Variants in ANKIB1 observed in about 807,000 individuals in gnomAD.
ANKIB1 encodes the protein ankyrin repeat and IBR domain containing 1.
Under a neutral mutation model 122.1 loss-of-function variants are expected in ANKIB1, and 43 were observed. The ratio of observed to expected loss-of-function variants is 0.35; its 90% CI spans 0.28 to 0.45. The LOEUF is 0.45. Ranked by LOEUF, ANKIB1 falls within the 20% of genes least tolerant of loss-of-function variation. The probability of loss-of-function intolerance (pLI) is 1.00; values close to 1 mark genes in which losing one functional copy is unlikely to be tolerated. For missense variants in ANKIB1, 992 were observed against 1,329.5 expected (o/e 0.75, Z 3.95); for synonymous variants, 390 against 442.0 (o/e 0.88, Z 1.48).
rs531478650 is a variant in ANKIB1 at position 92,282,989 on chromosome 7, G to A, written c.-90-11900G>A. ...TCATTTGCCAGTTTGTCAAAAAGAG[G>A]CAGGCTTTTGAATATAGCTTTTGCA... On this transcript the variant is annotated intron_variant, in intron 1 of 19. Transcript: ENST00000265742. Among the ~76,000 whole-genome samples, 11 of 152,232 alleles carry A rather than the reference G, an allele frequency of 7.2e-5. No homozygotes were observed. In the South Asian group the frequency reaches 2.1e-3, roughly 29 times the overall value.
At chr7:92,382,165 G>A (rs1804530808) in intron 11 of ANKIB1, among the ~76,000 whole-genome samples, 1 of 152,028 alleles carries the variant, frequency 6.6e-6, no homozygotes, top group Non-Finnish European at 1.5e-5. Context: ...ATGGTAAAGG[G>A]ATCAATTCAA....
chr7:92,290,574 A>G (rs1802225802), intron 1 of ANKIB1, among the ~76,000 whole-genome samples: 1 of 152,136 alleles, frequency 6.6e-6, no homozygotes, highest in African/African-American at 2.4e-5. Context: ...AAGAATGGGA[A>G]TCAGTTATAT....
intron 16 of ANKIB1, among the ~76,000 whole-genome samples, chr7:92,391,669 G>C (rs1804787408): frequency 6.6e-6 from 1 of 152,034 alleles, no homozygotes; most frequent in Non-Finnish European, 1.5e-5. Context: ...TGATTTGATA[G>C]TTATAAACAT....
chr7:92,311,953 GTCT>G (rs1249310219), intron 3 of ANKIB1, among the ~76,000 whole-genome samples: 1 of 152,090 alleles, frequency 6.6e-6, no homozygotes, highest in African/African-American at 2.4e-5. Context: ...AAATTGTACT[GTCT>G]TCTTTTCTAC....
intron 19 of ANKIB1, 46 bp from the exon 20 acceptor site, chr7:92,398,166 T>A: frequency 1.3e-6 from 2 of 1,523,776 alleles, no homozygotes; most frequent in East Asian, 2.3e-5. Flanking sequence ...TTAAATCAGT[T>A]TTTTTCAGTC....
intron 3 of ANKIB1, among the ~76,000 whole-genome samples, chr7:92,308,772 C>T (rs1802623505): frequency 6.6e-6 from 1 of 152,132 alleles, no homozygotes; most frequent in African/African-American, 2.4e-5. Context: ...CAGCTACCAA[C>T]ATTCATATCC....
intron 1 of ANKIB1, among the ~76,000 whole-genome samples, chr7:92,292,150 A>G (rs1802263124): frequency 6.6e-6 from 1 of 152,222 alleles, no homozygotes; most frequent in African/African-American, 2.4e-5. Flanking sequence ...GTAAAAGGAT[A>G]CATGTGGCAA....
At chr7:92,286,610 G>A (rs1802133222) in intron 1 of ANKIB1, among the ~76,000 whole-genome samples, 1 of 151,756 alleles carries the variant, frequency 6.6e-6, no homozygotes, top group Non-Finnish European at 1.5e-5. Flanking sequence ...CTCCCAAGTA[G>A]GTGGGATTAC....
chr7:92,368,934 A>G (rs1322502491), intron 10 of ANKIB1, among the ~76,000 whole-genome samples: 5 of 152,222 alleles, frequency 3.3e-5, no homozygotes, highest in Non-Finnish European at 7.3e-5. Context: ...GTTGCAGGCC[A>G]CACTGCTGCT....
At chr7:92,376,938 T>C (rs1314647458) in intron 11 of ANKIB1, among the ~76,000 whole-genome samples, 1 of 152,204 alleles carries the variant, frequency 6.6e-6, no homozygotes, top group East Asian at 1.9e-4. Flanking sequence ...TGATCCTCCA[T>C]CCAGACCACT....
At chr7:92,370,401 G>A (rs995942464) in intron 10 of ANKIB1, among the ~76,000 whole-genome samples, 10 of 150,872 alleles carry the variant, frequency 6.6e-5, no homozygotes, top group Non-Finnish European at 1.0e-4. Flanking sequence ...CCAGCTACTC[G>A]GGAGGCTGAG....
chr7:92,352,816 G>A (rs1803695174), intron 9 of ANKIB1, among the ~76,000 whole-genome samples, 174 bp downstream of exon 9: 2 of 152,152 alleles, frequency 1.3e-5, no homozygotes, highest in Admixed American at 6.5e-5. Flanking sequence ...CTTAGTGTGT[G>A]CCAGGCACTA....
chr7:92,328,988 G>A (rs62467836), intron 5 of ANKIB1, among the ~76,000 whole-genome samples: 1 of 144,890 alleles, frequency 6.9e-6, no homozygotes, highest in Non-Finnish European at 1.5e-5. Context: ...TTTTTTTTGG[G>A]ACAGAGTCTT....
intron 3 of ANKIB1, among the ~76,000 whole-genome samples, chr7:92,309,807 C>T (rs1802646909): frequency 6.6e-6 from 1 of 150,526 alleles, no homozygotes; most frequent in Non-Finnish European, 1.5e-5. Context: ...CACCTGTAGT[C>T]CCAGCTGCTT....
intron 2 of ANKIB1, among the ~76,000 whole-genome samples, chr7:92,296,881 A>G (rs972161982): frequency 6.6e-6 from 1 of 152,136 alleles, no homozygotes; most frequent in East Asian, 1.9e-4. Context: ...CTTGATTTTT[A>G]TAGGTATTTC....
At chr7:92,256,078 T>G (rs1801438783) in intron 1 of ANKIB1, among the ~76,000 whole-genome samples, 1 of 152,214 alleles carries the variant, frequency 6.6e-6, no homozygotes, top group South Asian at 2.1e-4. Context: ...GGGGAGCTAT[T>G]ATCATGAAAC....
At chr7:92,376,763 A>T (rs1804391884) in intron 11 of ANKIB1, among the ~76,000 whole-genome samples, 1 of 152,174 alleles carries the variant, frequency 6.6e-6, no homozygotes, top group Non-Finnish European at 1.5e-5. Flanking sequence ...TTGCACTTTT[A>T]TATTATGAAG....
intron 13 of ANKIB1, 22 bp from the exon 14 acceptor site, chr7:92,387,953 T>C: frequency 6.3e-7 from 1 of 1,595,032 alleles, no homozygotes; most frequent in African/African-American, 1.3e-5. Context: ...ATGGTTTAAA[T>C]TCTTTATTTC....
At chr7:92,284,776 G>A (rs909604264) in intron 1 of ANKIB1, among the ~76,000 whole-genome samples, 1 of 151,996 alleles carries the variant, frequency 6.6e-6, no homozygotes, top group African/African-American at 2.4e-5. Context: ...TTAATAATTT[G>A]TACGTGATTG....
Sources: allele counts gnomAD v4.1 joint callset (sites outside exome capture counted in the v4.1 genomes callset), GRCh38; gene constraint gnomAD v4.1.1; transcripts MANE v1.5; gene names NCBI Gene and HGNC (gene_info 2026-07-23, HGNC 2026-07-21).